The following IPMK variants were observed in gnomAD, a reference collection of about 807,000 sequenced individuals.
IPMK encodes the protein inositol 1,3,4,6-tetrakisphosphate 5-kinase.
In IPMK, 17 loss-of-function variants were observed where a neutral mutation model predicts 45.8. The observed-to-expected ratio is 0.37, with a 90% confidence interval of 0.25 to 0.56. The LOEUF (loss-of-function observed/expected upper bound fraction) is 0.56, where lower values mean the gene tolerates loss of function less well. Ranked by LOEUF, IPMK falls within the 20% of genes least tolerant of loss-of-function variation. The probability of loss-of-function intolerance (pLI) is 0.79; values close to 1 mark genes in which losing one functional copy is unlikely to be tolerated. For synonymous variants in IPMK, 180 were observed against 184.3 expected (o/e 0.98, Z 0.19); for missense variants, 399 against 498.0 (o/e 0.80, Z 1.89).
At chr10:58,197,930 G>C (rs1374370687) in intron 5 of IPMK, among the ~76,000 whole-genome samples, 1 of 144,852 alleles carries the variant, frequency 6.9e-6, no homozygotes, top group East Asian at 2.1e-4. Context: ...TTGGGAGGCT[G>C]AGGCACGAGA....
At chr10:58,210,154 C>T (rs1253561724) in intron 4 of IPMK, among the ~76,000 whole-genome samples, 1 of 152,052 alleles carries the variant, frequency 6.6e-6, no homozygotes, top group East Asian at 1.9e-4. Flanking sequence ...GATTATATTC[C>T]AGAGGAACGT....
chr10:58,235,139 A>G (rs1368453913), intron 2 of IPMK, among the ~76,000 whole-genome samples: 1 of 152,210 alleles, frequency 6.6e-6, no homozygotes, highest in Non-Finnish European at 1.5e-5. Context: ...ACCAGTTAGA[A>G]TGGCAATCAT....
intron 4 of IPMK, among the ~76,000 whole-genome samples, chr10:58,208,610 A>T (rs1246072919): frequency 6.6e-6 from 1 of 152,106 alleles, no homozygotes; most frequent in African/African-American, 2.4e-5. Context: ...TGAGTTCCTT[A>T]GTTATAGAGA....
At chr10:58,243,057 T>C (rs1181793516) in intron 1 of IPMK, among the ~76,000 whole-genome samples, 1 of 152,166 alleles carries the variant, frequency 6.6e-6, no homozygotes, top group Non-Finnish European at 1.5e-5. Flanking sequence ...ACTGAGTCAA[T>C]TAAACCTCTT....
At chr10:58,253,036 T>A (rs1240791199) in intron 1 of IPMK, among the ~76,000 whole-genome samples, 1 of 152,196 alleles carries the variant, frequency 6.6e-6, no homozygotes, top group Non-Finnish European at 1.5e-5. Flanking sequence ...AAATCTTACC[T>A]TGAATTGTAG....
At chr10:58,211,903 A>AAAG (rs1268699011) in intron 4 of IPMK, among the ~76,000 whole-genome samples, 1 of 141,702 alleles carries the variant, frequency 7.1e-6, no homozygotes, top group Non-Finnish European at 1.5e-5. Flanking sequence ...CATCTCACCA[A>AAAG]AAAAAAAAAA....
chr10:58,197,232 G>A (rs929556651), intron 5 of IPMK, among the ~76,000 whole-genome samples: 22 of 151,880 alleles, frequency 1.4e-4, no homozygotes, highest in Non-Finnish European at 1.5e-5. Context: ...CCCGGGAGGT[G>A]GAGCTTGCAG....
At chr10:58,245,702 G>T (rs1163450216) in intron 1 of IPMK, among the ~76,000 whole-genome samples, 1 of 151,620 alleles carries the variant, frequency 6.6e-6, no homozygotes, top group Non-Finnish European at 1.5e-5. Flanking sequence ...ATATCATACT[G>T]AATGGGCAAA....
At chr10:58,254,933 C>G (rs1838941613) in intron 1 of IPMK, among the ~76,000 whole-genome samples, 1 of 152,208 alleles carries the variant, frequency 6.6e-6, no homozygotes, top group Non-Finnish European at 1.5e-5. Flanking sequence ...CAGTGAGCAC[C>G]AAAGCTTAAA....
At chr10:58,233,479 C>G (rs911331456) in intron 2 of IPMK, among the ~76,000 whole-genome samples, 1 of 152,302 alleles carries the variant, frequency 6.6e-6, no homozygotes, top group South Asian at 2.1e-4. Context: ...CCACCATGAT[C>G]AAGTTGGCTT....
Position 58,196,044 on chromosome 10 carries a change from G to A in IPMK, c.*32C>T. On this transcript the variant is annotated 3_prime_UTR_variant, in exon 6 of 6. Coordinates refer to ENST00000373935, the MANE Select transcript of IPMK (RefSeq NM_152230.5). ...TGACTGCCCCTCTTCATTATGATTG[G>A]CCCACCCCTTAAAAAGACTGCAACA... 6.3e-7 allele frequency: 1 copy of A among 1,581,626 alleles called. No individual in the cohort carries two copies. Among genetic ancestry groups the A allele is most frequent in the Non-Finnish European group, 8.6e-7 (1 of 1,161,650 alleles).
At chr10:58,254,003 G>A (rs987083695) in intron 1 of IPMK, among the ~76,000 whole-genome samples, 1 of 152,034 alleles carries the variant, frequency 6.6e-6, no homozygotes, top group Non-Finnish European at 1.5e-5. Context: ...ATTATAATGT[G>A]CCTTGGGGAA....
intron 4 of IPMK, among the ~76,000 whole-genome samples, chr10:58,200,467 AAAAT>A (rs766164856): frequency 1.3e-5 from 2 of 152,098 alleles, no homozygotes; most frequent in Admixed American, 1.3e-4. Context: ...CACATATTTA[AAAAT>A]AAATAAATAA....
chr10:58,260,837 G>A (rs932613951), intron 1 of IPMK, among the ~76,000 whole-genome samples: 1 of 151,980 alleles, frequency 6.6e-6, no homozygotes, highest in African/African-American at 2.4e-5. Flanking sequence ...CAAATAAATC[G>A]ATTCTCACCA....
At chr10:58,233,488 T>A (rs555176271) in intron 2 of IPMK, among the ~76,000 whole-genome samples, 22 of 152,322 alleles carry the variant, frequency 1.4e-4, no homozygotes, top group Admixed American at 1.2e-3. Flanking sequence ...TCAAGTTGGC[T>A]TCATCTCTGG....
At chr10:58,217,409 C>T (rs1034444380) in intron 3 of IPMK, among the ~76,000 whole-genome samples, 71 of 151,800 alleles carry the variant, frequency 4.7e-4, no homozygotes, top group African/African-American at 1.7e-3. Context: ...ACCGTCTCGG[C>T]CAGGTGAGGT....
chr10:58,247,484 G>T (rs919617617), intron 1 of IPMK, among the ~76,000 whole-genome samples: 4 of 151,688 alleles, frequency 2.6e-5, no homozygotes, highest in Non-Finnish European at 4.4e-5. Flanking sequence ...CATAAAAAAT[G>T]ATGAGTTCAT....
chr10:58,200,642 T>C (rs1275428930), intron 4 of IPMK, among the ~76,000 whole-genome samples: 1 of 152,228 alleles, frequency 6.6e-6, no homozygotes, highest in African/African-American at 2.4e-5. Flanking sequence ...TAAATTGTGT[T>C]AGTCTGATTA....
intron 1 of IPMK, among the ~76,000 whole-genome samples, chr10:58,246,997 C>T (rs1327398988): frequency 6.6e-6 from 1 of 150,550 alleles, no homozygotes. Context: ...AGGCAAAGGA[C>T]ATGAACAGAC....
Sources: gnomAD v4.1 joint callset for allele counts (sites outside exome capture counted in the v4.1 genomes callset) on GRCh38, gnomAD v4.1.1 for gene constraint, MANE v1.5 for transcripts, NCBI Gene and HGNC (gene_info 2026-07-23, HGNC 2026-07-21) for gene names.